DGKZ: variants seen among roughly 807,000 people sequenced by gnomAD.
The protein encoded by DGKZ is DAG kinase zeta.
A neutral mutation model predicts 142.5 loss-of-function variants in DGKZ; 45 were observed. The ratio of observed to expected loss-of-function variants is 0.32; its 90% CI spans 0.25 to 0.40. The LOEUF (loss-of-function observed/expected upper bound fraction) is 0.40, where lower values mean the gene tolerates loss of function less well. DGKZ is among the 10% of genes least tolerant of loss of function. The pLI is 1.00. For synonymous variants in DGKZ, 442 were observed against 527.0 expected, an observed-to-expected ratio of 0.84 and a Z score of 2.21; for missense variants, 755 against 1,306.5, an observed-to-expected ratio of 0.58 and a Z score of 6.51.
At chr11:46,373,659 G>A (rs189201280) in intron 14 of DGKZ, among the ~76,000 whole-genome samples, 167 of 152,010 alleles carry the variant, frequency 1.1e-3, no homozygotes, top group Non-Finnish European at 1.6e-3. Context: ...CACCACACCC[G>A]GCTAATTTTT....
chr11:46,377,987 G>C, intron 25 of DGKZ: 1 of 625,478 alleles, frequency 1.6e-6, no homozygotes, highest in Non-Finnish European at 2.8e-6. Flanking sequence ...TGACTTGTTT[G>C]TATCCCTGAA....
intron 1 of DGKZ, among the ~76,000 whole-genome samples, chr11:46,336,143 C>T (rs918445272): frequency 3.9e-5 from 6 of 152,150 alleles, no homozygotes; most frequent in African/African-American, 9.7e-5. Flanking sequence ...CTGCTTCTGA[C>T]GTAAGTGAGG....
intron 14 of DGKZ, among the ~76,000 whole-genome samples, chr11:46,373,598 A>G (rs903591033): frequency 1.3e-5 from 2 of 151,194 alleles, no homozygotes; most frequent in African/African-American, 2.4e-5. Context: ...CCCGGGCTCA[A>G]GCTATTCTCC....
intron 6 of DGKZ, among the ~76,000 whole-genome samples, chr11:46,370,649 G>A (rs945423528): frequency 5.9e-5 from 9 of 152,228 alleles, no homozygotes; most frequent in African/African-American, 1.2e-4. Flanking sequence ...GGGAAAATCC[G>A]AGTGAGGCAG....
exon 5 of DGKZ, chr11:46,369,546 G>A (rs370663840): frequency 8.7e-6 from 14 of 1,612,630 alleles, no homozygotes; most frequent in South Asian, 3.3e-5. Context: ...AGGAATGTCC[G>A]CGAGGTAAGT....
At chr11:46,362,787 C>T (rs1006690964) in intron 1 of DGKZ, among the ~76,000 whole-genome samples, 3 of 152,220 alleles carry the variant, frequency 2.0e-5, no homozygotes, top group African/African-American at 4.8e-5. Context: ...TGAAGCTCTC[C>T]GGCCTGCCTG....
chr11:46,378,058 CAGTGCCTGGAAT>C, intron 25 of DGKZ, 128 bp from the exon 26 acceptor site: 1 of 1,049,442 alleles, frequency 9.5e-7, no homozygotes, highest in Non-Finnish European at 1.4e-6. Context: ...GCTGTATCCC[CAGTGCCTGGAAT>C]AGTGCTTGGT....
chr11:46,333,198 GC>G (rs1308382366), exon 1 of DGKZ: 2 of 1,188,326 alleles, frequency 1.7e-6, no homozygotes, highest in Non-Finnish European at 2.1e-6. Flanking sequence ...CGCGTCCCCG[GC>G]CCGGGCGGAC....
intron 24 of DGKZ, 51 bp from the exon 25 acceptor site, chr11:46,377,022 C>A (rs755633303): frequency 2.6e-6 from 4 of 1,532,284 alleles, no homozygotes; most frequent in Non-Finnish European, 3.6e-6. Flanking sequence ...TGCTGCCCCT[C>A]GGCCCCCACC....
At chr11:46,358,047 A>G (rs1942239744) in intron 1 of DGKZ, among the ~76,000 whole-genome samples, 1 of 152,188 alleles carries the variant, frequency 6.6e-6, no homozygotes, top group South Asian at 2.1e-4. Flanking sequence ...CTTAAAAAGT[A>G]TGGTCCTGGG....
At chr11:46,364,716 G>A in intron 1 of DGKZ, 3 of 985,432 alleles carry the variant, frequency 3.0e-6, no homozygotes, top group South Asian at 4.7e-5. Flanking sequence ...TGCTAGACGT[G>A]CGGCCTGGGC....
chr11:46,357,800 G>T (rs149542555), intron 1 of DGKZ, among the ~76,000 whole-genome samples: 10 of 152,366 alleles, frequency 6.6e-5, no homozygotes, highest in Admixed American at 3.9e-4. Flanking sequence ...GGGGTGTTCC[G>T]TTGGCTGTGA....
intron 19 of DGKZ, 147 bp downstream of exon 19, chr11:46,375,192 C>T (rs1944402496): frequency 1.2e-6 from 1 of 857,400 alleles, no homozygotes; most frequent in Non-Finnish European, 1.8e-6. Flanking sequence ...GCGGCACCTA[C>T]CCCCTCTCCT....
chr11:46,345,434 A>T (rs1161571594), upstream of DGKZ: 2 of 1,456,428 alleles, frequency 1.4e-6, no homozygotes, highest in African/African-American at 3.0e-5. The surrounding 1 kb of genome is among the most constrained non-coding windows in gnomAD (Gnocchi z 4.1). Flanking sequence ...GGCTGGCCAC[A>T]GTGCCGGGGG....
At chr11:46,346,516 G>A (rs1158036908), upstream of DGKZ, among the ~76,000 whole-genome samples, 5 of 152,204 alleles carry the variant, frequency 3.3e-5, no homozygotes, top group Admixed American at 6.5e-5. Flanking sequence ...GCATTGTGGG[G>A]TGTCTTTGTG....
At chr11:46,379,318 C>G in intron 29 of DGKZ, 82 bp downstream of exon 29, 1 of 1,593,004 alleles carries the variant, frequency 6.3e-7, no homozygotes, top group Non-Finnish European at 8.6e-7. Context: ...CAGGTCAGAG[C>G]CCATAAACTT....
At chr11:46,340,375 T>A (rs1208709607) in intron 1 of DGKZ, among the ~76,000 whole-genome samples, 1 of 152,092 alleles carries the variant, frequency 6.6e-6, no homozygotes, top group Non-Finnish European at 1.5e-5. Flanking sequence ...GGGCTTGGTG[T>A]AGTCCAGGGT....
At position 46,375,729 on chromosome 11, in the gene DGKZ, C is replaced by T. The variant is rs1944453292; in HGVS notation, c.1910+98C>T. On this transcript the variant is annotated intron_variant, in intron 20 of 30. Transcript: ENST00000527911. The stretch of plus-strand genomic sequence containing the variant: ...TCTGTAAAAGGGGCTGACTGTCCCT[C>T]TGCCCCAGGGGTGTTGGGAGTGGAG... The T allele has an allele frequency of 7.3e-6, 11 of 1,501,942 alleles. No homozygotes were observed. In the Admixed American group the frequency reaches 1.2e-4, roughly 16 times the overall value. The allele number at this position is 1,501,942 out of a possible 1,614,324, so 93.0% of individuals were successfully genotyped here.
exon 8 of DGKZ, chr11:46,371,547 G>A: frequency 6.2e-7 from 1 of 1,610,818 alleles, no homozygotes; most frequent in Non-Finnish European, 8.5e-7. Flanking sequence ...CTCGCTGGGG[G>A]TCCACGCAGC....
Sources: allele counts gnomAD v4.1 joint callset (sites outside exome capture counted in the v4.1 genomes callset), GRCh38; gene constraint gnomAD v4.1.1; non-coding constraint Gnocchi (gnomAD v3.1); transcripts MANE v1.5; gene names NCBI Gene and HGNC (gene_info 2026-07-23, HGNC 2026-07-21).